Variants in MLKL observed in about 807,000 individuals in gnomAD.
MLKL encodes mixed lineage kinase domain-like protein.
A neutral mutation model predicts 56.5 loss-of-function variants in MLKL; 55 were observed. The observed-to-expected ratio is 0.97, with a 90% CI of 0.78 to 1.22. MLKL has a LOEUF of 1.22. MLKL is among the 50% of genes most tolerant of loss of function. The pLI is 0.00. For missense variants in MLKL, 694 were observed against 573.9 expected, an observed-to-expected ratio of 1.21 and a Z score of -2.14; for synonymous variants, 251 against 208.3, an observed-to-expected ratio of 1.20 and a Z score of -1.76.
At chr16:74,679,113 G>A (rs1959783872) in intron 6 of MLKL, 133 bp from the exon 7 acceptor site, 3 of 662,562 alleles carry the variant, frequency 4.5e-6, no homozygotes, top group African/African-American at 3.6e-5. Flanking sequence ...GAAAAACTGG[G>A]ATGTAGAGGC....
At chr16:74,674,234 C>T (rs546331191) in intron 10 of MLKL, among the ~76,000 whole-genome samples, 2 of 150,598 alleles carry the variant, frequency 1.3e-5, no homozygotes, top group African/African-American at 4.9e-5. Context: ...GACTCTGCAA[C>T]CTCTGCCTCC....
chr16:74,678,469 C>A, intron 7 of MLKL: 1 of 165,852 alleles, frequency 6.0e-6, no homozygotes, highest in Non-Finnish European at 1.3e-5. Context: ...AACTAAAAAA[C>A]TAAAATTGAA....
At chr16:74,689,236 T>A (rs971342152) in intron 4 of MLKL, among the ~76,000 whole-genome samples, 1 of 151,656 alleles carries the variant, frequency 6.6e-6, no homozygotes, top group Non-Finnish European at 1.5e-5. Context: ...TGCCTCAGCC[T>A]CCCAAGTAGC....
Position 74,682,797 on chromosome 16 carries a change from G to A in MLKL, c.821-11C>T, listed in dbSNP as rs1416073580. The A allele has an allele frequency of 6.2e-7, 1 of 1,613,890 alleles. No individual in the cohort carries two copies. The highest frequency in any genetic ancestry group is 1.1e-5 in the South Asian group (1 of 91,058). On this transcript the variant is annotated splice_polypyrimidine_tract_variant and intron_variant, in intron 5 of 10. Coordinates refer to ENST00000308807, the MANE Select transcript of MLKL (RefSeq NM_152649.4). The stretch of plus-strand genomic sequence containing the variant: ...ATTGAGGCGGAGTCACTGGTGGAAA[G>A]GAGCCAGACACTATGAGGACCCGCC...
In MLKL at chr16:74,691,266, A is replaced by G. The variant is rs773462648; in HGVS notation, c.722+11T>C. On this transcript the variant is annotated intron_variant, in intron 4 of 10. Transcript: ENST00000308807. Reference sequence around the variant, plus strand: ...TTGGTACACACGAGAGAACCACACAAAACAACTTACGCAATGCTGCCAGCC... The same window carrying G: ...TTGGTACACACGAGAGAACCACACAGAACAACTTACGCAATGCTGCCAGCC... 1 of 1,604,608 alleles carries G rather than the reference A, an allele frequency of 6.2e-7. No individual in the cohort carries two copies. Among genetic ancestry groups the G allele is most frequent in the South Asian group, 1.1e-5 (1 of 89,884 alleles).
rs968525043 is a variant in MLKL at position 74,676,105 on chromosome 16, T to G, written c.1039-341A>C. The G allele has an allele frequency of 7.4e-5, 25 of 340,034 alleles. No homozygotes were observed. The Admixed American group carries it at 1.2e-3, about 16-fold the overall frequency. 21.1% of individuals were successfully genotyped at this position (340,034 alleles called of 1,614,324 possible). A position where few individuals can be genotyped will look rare whatever the true frequency, so the allele number is the denominator to read the frequency against. ...TGTTAAAATGTAGGGGTTTCTCAGT[T>G]GAGGACTGAACTCCACTCAGTGAGA... is the stretch of plus-strand genomic sequence containing the variant. On this transcript the variant is annotated intron_variant, in intron 7 of 10. Transcript: ENST00000308807.
intron 2 of MLKL, among the ~76,000 whole-genome samples, chr16:74,694,445 G>A (rs565588129): frequency 2.0e-5 from 3 of 152,042 alleles, no homozygotes; most frequent in East Asian, 1.9e-4. Context: ...TCGCTCTGTC[G>A]CCCAGGCTGC....
intron 8 of MLKL, 23 bp from the exon 9 acceptor site, chr16:74,675,427 A>T: frequency 6.2e-7 from 1 of 1,611,676 alleles, no homozygotes; most frequent in Non-Finnish European, 8.5e-7. Flanking sequence ...CAAGAAACTG[A>T]ACAACCATAA....
intron 6 of MLKL, among the ~76,000 whole-genome samples, chr16:74,680,644 C>A (rs1597487421): frequency 6.6e-6 from 1 of 152,068 alleles, no homozygotes; most frequent in African/African-American, 2.4e-5. Context: ...GTAGCTGGGA[C>A]TATAGGTGCG....
At chr16:74,682,883 T>G in intron 5 of MLKL, 97 bp from the exon 6 acceptor site, 1 of 1,419,122 alleles carries the variant, frequency 7.0e-7, no homozygotes, top group Admixed American at 2.2e-5. Flanking sequence ...GATACAGACT[T>G]GGCTCTGCTG....
intron 5 of MLKL, among the ~76,000 whole-genome samples, chr16:74,684,472 T>C (rs1359113226): frequency 6.7e-6 from 1 of 148,390 alleles, no homozygotes; most frequent in Non-Finnish European, 1.5e-5. Flanking sequence ...ATAAGGCTCT[T>C]GGTAGAGGGG....
chr16:74,675,883 C>T, intron 7 of MLKL, 119 bp from the exon 8 acceptor site: 1 of 1,085,078 alleles, frequency 9.2e-7, no homozygotes, highest in South Asian at 1.5e-5. Flanking sequence ...GGATTTATTT[C>T]CTGTCGTGAC....
intron 1 of MLKL, among the ~76,000 whole-genome samples, chr16:74,695,985 A>T (rs1015989993): frequency 2.0e-5 from 3 of 152,228 alleles, no homozygotes; most frequent in Non-Finnish European, 4.4e-5. Context: ...TACATCTCCC[A>T]GCCTTCCTTG....
At chr16:74,696,927 A>G (rs1366030558) in intron 1 of MLKL, among the ~76,000 whole-genome samples, 1 of 144,316 alleles carries the variant, frequency 6.9e-6, no homozygotes, top group Non-Finnish European at 1.5e-5. Context: ...AATACATTAC[A>G]TATATATAGT....
At chr16:74,674,107 TC>T (rs1268923903) in intron 10 of MLKL, among the ~76,000 whole-genome samples, 1 of 152,026 alleles carries the variant, frequency 6.6e-6, no homozygotes, top group East Asian at 1.9e-4. Flanking sequence ...GCCAGAGAGT[TC>T]TTTGTGTGGT....
intron 4 of MLKL, among the ~76,000 whole-genome samples, chr16:74,689,985 C>T (rs1170611543): frequency 1.3e-5 from 2 of 152,068 alleles, no homozygotes; most frequent in Non-Finnish European, 2.9e-5. Context: ...AGCAGGACAC[C>T]TCCAGAGCAC....
intron 6 of MLKL, 82 bp downstream of exon 6, chr16:74,682,569 T>G (rs1199297638): frequency 6.4e-7 from 1 of 1,560,340 alleles, no homozygotes; most frequent in African/African-American, 1.4e-5. Context: ...GCGTCTGGCC[T>G]GTTCTCTCAC....
intron 7 of MLKL, 151 bp downstream of exon 7, chr16:74,678,748 C>A: frequency 3.2e-6 from 2 of 623,442 alleles, no homozygotes; most frequent in Admixed American, 2.8e-5. Context: ...GCTCACTGCC[C>A]TCCAGCTTGG....
chr16:74,684,002 C>T (rs553221019), intron 5 of MLKL, among the ~76,000 whole-genome samples: 1 of 152,208 alleles, frequency 6.6e-6, no homozygotes, highest in African/African-American at 2.4e-5. Context: ...GGCTGGAGTG[C>T]AGTGGCATGA....
Sources: allele counts gnomAD v4.1 joint callset (sites outside exome capture counted in the v4.1 genomes callset), GRCh38; gene constraint gnomAD v4.1.1; transcripts MANE v1.5; gene names NCBI Gene and HGNC (gene_info 2026-07-23, HGNC 2026-07-21).